The following UNC79 variants were observed in gnomAD, a reference collection of about 807,000 sequenced individuals.
UNC79 encodes unc-79 subunit of NALCN channel complex.
Under a neutral mutation model 283.1 loss-of-function variants are expected in UNC79, and 37 were observed. The ratio of observed to expected loss-of-function variants is 0.13; its 90% CI spans 0.10 to 0.17. The LOEUF (loss-of-function observed/expected upper bound fraction) is 0.17, where lower values mean the gene tolerates loss of function less well. UNC79 is among the 10% of genes least tolerant of loss of function. The pLI, the probability that UNC79 is intolerant of heterozygous loss-of-function variation, is 1.00. For synonymous variants in UNC79, 1,107 were observed against 1,200.2 expected (o/e 0.92, Z 1.61); for missense variants, 2,272 against 3,211.1 (o/e 0.71, Z 7.07).
chr14:93,609,464 C>T (rs898626824), intron 26 of UNC79, among the ~76,000 whole-genome samples: 1 of 152,130 alleles, frequency 6.6e-6, no homozygotes, highest in Non-Finnish European at 1.5e-5. Context: ...GGCAGATTGT[C>T]ATGGAATCAG....
chr14:93,348,051 GT>G, intron 1 of UNC79: 1 of 1,612,412 alleles, frequency 6.2e-7, no homozygotes, highest in South Asian at 1.1e-5. Flanking sequence ...GACTTGTGGT[GT>G]TTTTTACGAC....
intron 1 of UNC79, among the ~76,000 whole-genome samples, chr14:93,455,333 G>A (rs1047202843): frequency 2.0e-5 from 3 of 152,176 alleles, no homozygotes. Flanking sequence ...ACAGTGCATT[G>A]TTGCCTTGTT....
intron 1 of UNC79, among the ~76,000 whole-genome samples, chr14:93,449,181 C>T (rs982641139): frequency 6.6e-6 from 1 of 152,130 alleles, no homozygotes; most frequent in African/African-American, 2.4e-5. Flanking sequence ...TTTTGTTATC[C>T]TCATTGATCT....
At chr14:93,540,896 G>A in intron 13 of UNC79, 65 bp downstream of exon 13, 1 of 1,596,142 alleles carries the variant, frequency 6.3e-7, no homozygotes, top group Non-Finnish European at 8.5e-7. Flanking sequence ...TACTGAAGAG[G>A]AATTTCTCCT....
chr14:93,473,993 C>G, intron 2 of UNC79, 96 bp from the exon 3 acceptor site: 5 of 1,376,830 alleles, frequency 3.6e-6, no homozygotes, highest in Non-Finnish European at 2.9e-6. Context: ...TGGAATGTAT[C>G]TGGTGTTTTA....
chr14:93,682,327 T>G (rs776913833), intron 41 of UNC79, among the ~76,000 whole-genome samples: 4 of 152,198 alleles, frequency 2.6e-5, no homozygotes, highest in Non-Finnish European at 5.9e-5. Context: ...TAGAATGACT[T>G]CACAATAAAT....
chr14:93,542,809 T>A, intron 14 of UNC79, 113 bp downstream of exon 14: 1 of 946,818 alleles, frequency 1.1e-6, no homozygotes. Flanking sequence ...TCTCTCCTTA[T>A]TTTAATTAAT....
chr14:93,424,739 G>T (rs2055686290), intron 1 of UNC79, among the ~76,000 whole-genome samples: 1 of 151,870 alleles, frequency 6.6e-6, no homozygotes, highest in African/African-American at 2.4e-5. Context: ...GAGGGGCAAT[G>T]GGGGAGGGTT....
chr14:93,461,672 G>C (rs1246338727), intron 1 of UNC79, among the ~76,000 whole-genome samples: 1 of 152,086 alleles, frequency 6.6e-6, no homozygotes, highest in Non-Finnish European at 1.5e-5. Flanking sequence ...GGTATACAAT[G>C]GTGAACAAAA....
At chr14:93,432,070 A>C (rs1018847380) in intron 1 of UNC79, among the ~76,000 whole-genome samples, 3 of 152,252 alleles carry the variant, frequency 2.0e-5, no homozygotes, top group African/African-American at 7.2e-5. Flanking sequence ...CGTTATATGG[A>C]TAATGCTGTC....
intron 1 of UNC79, among the ~76,000 whole-genome samples, chr14:93,461,975 AG>A (rs1481308665): frequency 6.6e-6 from 1 of 150,722 alleles, no homozygotes; most frequent in Admixed American, 6.6e-5. Context: ...AAAAAAAAAA[AG>A]AAAGAAAAGA....
At chr14:93,399,325 C>G (rs1453725812) in intron 1 of UNC79, among the ~76,000 whole-genome samples, 1 of 152,200 alleles carries the variant, frequency 6.6e-6, no homozygotes, top group East Asian at 1.9e-4. Flanking sequence ...TTGGTCACAT[C>G]AAATTTCTTG....
intron 14 of UNC79, among the ~76,000 whole-genome samples, chr14:93,548,215 T>A (rs1297667233): frequency 2.9e-4 from 44 of 152,124 alleles, no homozygotes; most frequent in Non-Finnish European, 4.4e-5. Context: ...GGGCCTACGT[T>A]CTGGTTCATA....
intron 1 of UNC79, chr14:93,464,512 A>G: frequency 2.2e-6 from 1 of 456,136 alleles, no homozygotes; most frequent in Non-Finnish European, 4.4e-6. Flanking sequence ...TAAAGGCCTT[A>G]TCTCTGGGTA....
At chr14:93,510,725 A>G (rs921886397) in intron 7 of UNC79, among the ~76,000 whole-genome samples, 3 of 152,186 alleles carry the variant, frequency 2.0e-5, no homozygotes, top group African/African-American at 7.2e-5. Context: ...CCATATCACT[A>G]TCAGCATCTT....
chr14:93,503,303 A>G (rs1471969000), intron 7 of UNC79, among the ~76,000 whole-genome samples: 1 of 152,142 alleles, frequency 6.6e-6, no homozygotes, highest in Non-Finnish European at 1.5e-5. Flanking sequence ...CCATTCTATT[A>G]TTAGTGGACT....
chr14:93,514,252 T>C (rs1369118044), intron 7 of UNC79, among the ~76,000 whole-genome samples: 4 of 152,098 alleles, frequency 2.6e-5, no homozygotes, highest in African/African-American at 9.7e-5. Flanking sequence ...AGGAAATAGA[T>C]ATTATTATTT....
chr14:93,401,759 G>T lies in UNC79; in HGVS notation c.-350-65912G>T, dbSNP rs141556162. ...CAAATTGCCCAATGTCTTGTGACTGGATTAGTGATATCTCTATTTGACATC... is the reference window on the plus strand; with the variant it reads ...CAAATTGCCCAATGTCTTGTGACTGTATTAGTGATATCTCTATTTGACATC... On this transcript the variant is annotated intron_variant, in intron 1 of 49. Transcript: ENST00000256339. Among the ~76,000 whole-genome samples, 287 of 152,286 alleles carry T rather than the reference G, an allele frequency of 1.9e-3. 1 individual carries two copies. The highest frequency in any genetic ancestry group is 6.5e-3 in the African/African-American group (268 of 41,550).
intron 1 of UNC79, among the ~76,000 whole-genome samples, chr14:93,433,956 G>C (rs976589937): frequency 6.6e-6 from 1 of 152,240 alleles, no homozygotes; most frequent in African/African-American, 2.4e-5. Flanking sequence ...GCTCACGCCT[G>C]TAATCCCAGC....
Sources: allele counts gnomAD v4.1 joint callset (sites outside exome capture counted in the v4.1 genomes callset), GRCh38; gene constraint gnomAD v4.1.1; transcripts MANE v1.5; gene names NCBI Gene and HGNC (gene_info 2026-07-23, HGNC 2026-07-21).